Variants in CDH7 observed in about 807,000 individuals in gnomAD.
CDH7 encodes the protein cadherin-7.
In CDH7, 25 loss-of-function variants were observed where a neutral mutation model predicts 71.8. That is an observed-to-expected ratio of 0.35 (90% CI 0.25 to 0.49). The LOEUF is 0.49. Among genes scored for constraint, CDH7 ranks in the 20% least tolerant of loss-of-function variants. The pLI is 0.99. For missense variants in CDH7, 862 were observed against 974.6 expected (o/e 0.88, Z 1.54); for synonymous variants, 381 against 363.8 (o/e 1.05, Z -0.54).
At chr18:65,843,498 A>T (rs978025517) in intron 6 of CDH7, among the ~76,000 whole-genome samples, 9 of 152,142 alleles carry the variant, frequency 5.9e-5, no homozygotes, top group African/African-American at 2.2e-4. Context: ...TATTACATTG[A>T]CAGTCCCTGT....
At chr18:65,830,756 T>C (rs1482617423) in intron 6 of CDH7, among the ~76,000 whole-genome samples, 1 of 151,288 alleles carries the variant, frequency 6.6e-6, no homozygotes, top group Non-Finnish European at 1.5e-5. Context: ...CCTCTTTCTT[T>C]TCTCTCTCTC....
At chr18:65,851,378 A>G (rs981851032) in intron 7 of CDH7, among the ~76,000 whole-genome samples, 1 of 152,076 alleles carries the variant, frequency 6.6e-6, no homozygotes, top group Admixed American at 6.6e-5. Context: ...TTTGTATTAC[A>G]TTATCTTTTG....
intron 11 of CDH7, among the ~76,000 whole-genome samples, chr18:65,870,731 T>C (rs1451770112): frequency 6.6e-6 from 1 of 152,218 alleles, no homozygotes; most frequent in East Asian, 1.9e-4. Context: ...TGTTATCTCC[T>C]CAGGAGGAGT....
In CDH7 at chr18:65,855,155, A is replaced by G. The variant is rs911721867; in HGVS notation, c.1236-2661A>G. The stretch of plus-strand genomic sequence containing the variant: ...ATGAGTTTACCATTATTTTCTCTCT[A>G]CTGTCCCCTGTCCTGGAGTAATAAT... On this transcript the variant is annotated intron_variant, in intron 7 of 11. Transcript: ENST00000397968. 2.6e-5 allele frequency among the ~76,000 whole-genome samples: 4 copies of G among 152,042 alleles called. 1 individual carries two copies. The highest frequency in any genetic ancestry group is 9.7e-5 in the African/African-American group (4 of 41,424).
At chr18:65,879,716 T>G (rs1914164584) in intron 11 of CDH7, among the ~76,000 whole-genome samples, 1 of 152,236 alleles carries the variant, frequency 6.6e-6, no homozygotes, top group African/African-American at 2.4e-5. Flanking sequence ...GATAAATTCC[T>G]AACATTAAAG....
At chr18:65,805,913 T>TA (rs35636765) in intron 2 of CDH7, among the ~76,000 whole-genome samples, 21 of 151,250 alleles carry the variant, frequency 1.4e-4, no homozygotes, top group South Asian at 4.2e-4. Flanking sequence ...TTATTAAAAT[T>TA]AAAAAAAAAA....
At chr18:65,797,960 C>T (rs1225983180) in intron 2 of CDH7, among the ~76,000 whole-genome samples, 1 of 152,056 alleles carries the variant, frequency 6.6e-6, no homozygotes, top group Non-Finnish European at 1.5e-5. Context: ...ATAAAATAGC[C>T]TGGGAGTATG....
chr18:65,828,849 A>T (rs540113517), intron 6 of CDH7, among the ~76,000 whole-genome samples: 8 of 152,286 alleles, frequency 5.3e-5, no homozygotes, highest in South Asian at 2.1e-4. Flanking sequence ...ACTTGGTTCC[A>T]GAATAATCCA....
intron 6 of CDH7, 44 bp from the exon 7 acceptor site, chr18:65,843,768 C>CT (rs1555688375): frequency 6.9e-7 from 1 of 1,459,140 alleles, no homozygotes; most frequent in Non-Finnish European, 9.1e-7. Flanking sequence ...GCTTTGCTGA[C>CT]TGTTTAACCG....
intron 1 of CDH7, among the ~76,000 whole-genome samples, chr18:65,760,925 A>G (rs1236866612): frequency 1.3e-5 from 2 of 152,188 alleles, no homozygotes; most frequent in African/African-American, 2.4e-5. Context: ...CCTACCTACA[A>G]TAAACTTCCA....
intron 2 of CDH7, among the ~76,000 whole-genome samples, chr18:65,767,093 CTT>C (rs1258283488): frequency 5.9e-5 from 8 of 136,476 alleles, no homozygotes; most frequent in Admixed American, 7.3e-5. Flanking sequence ...CTCTTTCTTT[CTT>C]TTTTTTTTTT....
chr18:65,810,405 CT>C (rs1358299442), intron 3 of CDH7, among the ~76,000 whole-genome samples: 1 of 152,070 alleles, frequency 6.6e-6, no homozygotes, highest in Non-Finnish European at 1.5e-5. Flanking sequence ...ATTCATTGTT[CT>C]AAACATCTCT....
intron 1 of CDH7, among the ~76,000 whole-genome samples, chr18:65,760,911 C>G (rs778200515): frequency 4.6e-5 from 7 of 152,174 alleles, no homozygotes; most frequent in Non-Finnish European, 1.0e-4. Context: ...GTGGGTTAGT[C>G]AGACCTACCT....
chr18:65,781,770 C>CTTT (rs879658195), intron 2 of CDH7, among the ~76,000 whole-genome samples: 11,999 of 77,450 alleles, frequency 0.15, 2,233 homozygotes, highest in Middle Eastern at 0.21. Context: ...TTCTTTCTTT[C>CTTT]CTTCCTTCCT....
At chr18:65,798,381 T>C (rs1910993444) in intron 2 of CDH7, among the ~76,000 whole-genome samples, 1 of 152,212 alleles carries the variant, frequency 6.6e-6, no homozygotes, top group African/African-American at 2.4e-5. Flanking sequence ...GACATAAATG[T>C]TCCCCTCTGT....
chr18:65,823,815 A>G (rs1912026853), intron 5 of CDH7, among the ~76,000 whole-genome samples: 1 of 151,874 alleles, frequency 6.6e-6, no homozygotes, highest in Non-Finnish European at 1.5e-5. Context: ...TTAACAACCA[A>G]AGGAAACAGA....
In CDH7 at chr18:65,763,262, A is replaced by G. The variant is rs528980223; in HGVS notation, c.210+210A>G. On this transcript the variant is annotated intron_variant, in intron 2 of 11. Coordinates refer to ENST00000397968, the MANE Select transcript of CDH7 (RefSeq NM_004361.5). ...ATAATATTCATTACAGTGAAACTGT[A>G]TATTAGGGAATGATGCTTCATTCCT... Among the ~76,000 whole-genome samples the G allele has an allele frequency of 3.3e-5, 5 of 152,326 alleles. No homozygotes were observed. In the East Asian group the frequency reaches 9.7e-4, roughly 29 times the overall value.
intron 11 of CDH7, chr18:65,866,315 C>CAAAAAAAAAAAAAAAAAAA (rs1568228989): frequency 1.5e-3 from 2 of 1,362 alleles, no homozygotes; most frequent in Non-Finnish European, 3.4e-3. Flanking sequence ...AAAAAAAAAA[C>CAAAAAAAAAAAAAAAAAAA]AAAAAAAAAA....
chr18:65,754,408 C>T lies in CDH7; in HGVS notation c.-197+3258C>T, dbSNP rs187706042. On this transcript the variant is annotated intron_variant, in intron 1 of 11. Transcript: ENST00000397968. ...GGCCCAGGGAGCTAATGGATTTGATCGCAGTTTCTTTACGTGAGAAGTCAC... is the reference window on the plus strand; with the variant it reads ...GGCCCAGGGAGCTAATGGATTTGATTGCAGTTTCTTTACGTGAGAAGTCAC... Among the ~76,000 whole-genome samples the T allele has an allele frequency of 1.9e-3, 292 of 152,246 alleles. 2 individuals are homozygous for T. Among genetic ancestry groups the T allele is most frequent in the Non-Finnish European group, 2.6e-3 (178 of 68,012 alleles).
Sources: gnomAD v4.1 joint callset for allele counts (sites outside exome capture counted in the v4.1 genomes callset) on GRCh38, gnomAD v4.1.1 for gene constraint, MANE v1.5 for transcripts, NCBI Gene and HGNC (gene_info 2026-07-23, HGNC 2026-07-21) for gene names.